Variants in SHPRH observed in about 807,000 individuals in gnomAD.
The protein encoded by SHPRH is SNF2 histone linker PHD RING helicase.
In SHPRH, 106 loss-of-function variants were observed where a neutral mutation model predicts 202.5. The ratio of observed to expected loss-of-function variants is 0.52; its 90% CI spans 0.45 to 0.62. SHPRH has a LOEUF of 0.62. Ranked by LOEUF, SHPRH falls within the 20% of genes least tolerant of loss-of-function variation. The pLI is 0.00. For missense variants in SHPRH, 1,710 were observed against 2,020.0 expected (o/e 0.85, Z 2.94); for synonymous variants, 729 against 686.0 (o/e 1.06, Z -0.98).
downstream of SHPRH, among the ~76,000 whole-genome samples, chr6:145,881,940 C>T (rs915838718): frequency 3.3e-5 from 5 of 151,874 alleles, no homozygotes; most frequent in African/African-American, 1.2e-4. Flanking sequence ...GCTGTCTCTA[C>T]AAAAAATTAA....
At chr6:145,876,318 G>A (rs1042216399) in intron 2 of SHPRH, among the ~76,000 whole-genome samples, 1 of 152,154 alleles carries the variant, frequency 6.6e-6, no homozygotes, top group African/African-American at 2.4e-5. Flanking sequence ...AGGCTGCAGT[G>A]AATTATGATA....
chr6:145,865,874 A>G lies in SHPRH; in HGVS notation c.222-1383T>C, dbSNP rs79538600. On this transcript the variant is annotated intron_variant, in intron 2 of 2. Coordinates refer to the SHPRH transcript ENST00000417762. ...TTTTTTGGTAACTTTCTTTGACTTA[A>G]GGTGACAAAAGAGCACCTTTTGCAG... Among the ~76,000 whole-genome samples the G allele has an allele frequency of 5.0e-3, 763 of 152,372 alleles. 4 individuals are homozygous for G. Among genetic ancestry groups the G allele is most frequent in the African/African-American group, 0.018 (743 of 41,580 alleles).
At position 145,937,128 on chromosome 6, in the gene SHPRH, C is replaced by T. The variant is rs376595738; in HGVS notation, c.2570-1687G>A. On this transcript the variant is annotated intron_variant, in intron 11 of 29. Coordinates refer to ENST00000275233, the MANE Select transcript of SHPRH (RefSeq NM_001042683.3). ...CCTCCCGACTAGCTGGGATTACAGG[C>T]GTCTGCCACCATGTCCAGCTAATTT... Among the ~76,000 whole-genome samples, 12 of 151,718 alleles carry T rather than the reference C, an allele frequency of 7.9e-5. No homozygotes were observed. The South Asian group carries it at 2.5e-3, about 32-fold the overall frequency.
At chr6:145,930,485 T>C (rs891580365) in intron 14 of SHPRH, among the ~76,000 whole-genome samples, 2 of 152,196 alleles carry the variant, frequency 1.3e-5, no homozygotes, top group African/African-American at 4.8e-5. Flanking sequence ...CCTTTTATTT[T>C]TTAACCCAAA....
chr6:145,943,247 G>A lies in SHPRH; in HGVS notation c.2134C>T (p.Pro712Ser). Reference sequence around the variant, plus strand: ...ATCAGAGTTGCTCTTGTTGACACTGGTTCCATTGCAACAAGGCAGTGGGGG... The same window carrying A: ...ATCAGAGTTGCTCTTGTTGACACTGATTCCATTGCAACAAGGCAGTGGGGG... ...YCPHCLVAME[P>S]VSTRATLIIS... The change falls in exon 9 of 30, where the codon CCA becomes TCA. Residue 712 changes from proline to serine, a missense_variant. Physicochemically the swap from Pro to Ser is moderately conservative, Grantham distance 74. Coordinates refer to ENST00000275233, the MANE Select transcript of SHPRH (RefSeq NM_001042683.3). 6.2e-7 allele frequency: 1 copy of A among 1,613,772 alleles called. No homozygotes were observed. Among genetic ancestry groups the A allele is most frequent in the South Asian group, 1.1e-5 (1 of 91,066 alleles).
At chr6:145,924,084 A>C (rs1256536617) in intron 17 of SHPRH, among the ~76,000 whole-genome samples, 1 of 151,978 alleles carries the variant, frequency 6.6e-6, no homozygotes, top group Admixed American at 6.6e-5. Flanking sequence ...ATGAAAATTC[A>C]ATACTCAATC....
intron 11 of SHPRH, among the ~76,000 whole-genome samples, chr6:145,937,561 A>T (rs1786247996): frequency 6.6e-6 from 1 of 152,136 alleles, no homozygotes; most frequent in Non-Finnish European, 1.5e-5. Context: ...TTGAAATACA[A>T]ATCTAACCAC....
intron 22 of SHPRH, 144 bp from the exon 23 acceptor site, chr6:145,918,376 G>C: frequency 2.2e-6 from 1 of 459,418 alleles, no homozygotes; most frequent in Non-Finnish European, 3.6e-6. Flanking sequence ...TTTCAAAATG[G>C]ATACTAGATA....
At chr6:145,911,309 G>A (rs1338277911) in intron 24 of SHPRH, among the ~76,000 whole-genome samples, 1 of 151,904 alleles carries the variant, frequency 6.6e-6, no homozygotes, top group Non-Finnish European at 1.5e-5. Context: ...GCTAATTTTT[G>A]TATTTTTAGT....
intron 2 of SHPRH, among the ~76,000 whole-genome samples, chr6:145,866,885 C>G (rs1483404448): frequency 6.6e-6 from 1 of 151,990 alleles, no homozygotes; most frequent in African/African-American, 2.4e-5. Flanking sequence ...CTGGCCTTTG[C>G]CTGTGCTGAT....
At chr6:145,932,128 T>C (rs920869398) in intron 14 of SHPRH, among the ~76,000 whole-genome samples, 1 of 152,172 alleles carries the variant, frequency 6.6e-6, no homozygotes, top group African/African-American at 2.4e-5. Context: ...TTCCAGAAGT[T>C]TGATTGCATG....
chr6:145,889,615 G>A (rs1781412098), intron 28 of SHPRH, among the ~76,000 whole-genome samples: 1 of 152,110 alleles, frequency 6.6e-6, no homozygotes, highest in African/African-American at 2.4e-5. Flanking sequence ...TTCAGGCTAT[G>A]AGTAGAATTT....
chr6:145,930,329 A>G (rs976165283), intron 14 of SHPRH, among the ~76,000 whole-genome samples: 8 of 152,066 alleles, frequency 5.3e-5, no homozygotes, highest in African/African-American at 1.9e-4. Context: ...AAATTTCTTA[A>G]GGTAGCAGCT....
intron 25 of SHPRH, among the ~76,000 whole-genome samples, chr6:145,899,114 G>A (rs2265471): frequency 0.39 from 58,569 of 151,916 alleles, 11,616 homozygotes; most frequent in South Asian, 0.49. Context: ...GCATCTGGCC[G>A]TAACTCCTTT....
intron 28 of SHPRH, among the ~76,000 whole-genome samples, chr6:145,891,683 T>C (rs946586448): frequency 6.6e-6 from 1 of 152,122 alleles, no homozygotes; most frequent in African/African-American, 2.4e-5. Context: ...TCTAATCTGA[T>C]TGTATATGTT....
At chr6:145,903,627 T>C (rs948989791) in intron 25 of SHPRH, 6 of 152,024 alleles carry the variant, frequency 3.9e-5, no homozygotes, top group Admixed American at 6.6e-5. Context: ...AAAAAAGCAA[T>C]TGTGTAGCAT....
chr6:145,933,157 C>A lies in SHPRH; in HGVS notation c.3012G>T (p.Leu1004=). The A allele has an allele frequency of 1.2e-6, 2 of 1,613,894 alleles. No homozygotes were observed. Among genetic ancestry groups the A allele is most frequent in the Non-Finnish European group, 1.7e-6 (2 of 1,179,914 alleles). The part of the protein sequence containing the change: ...LQKSTMTMEE[L]LTSLQKKCGT... ...CACATTTCTTCTGCAAAGATGTCAGCAGCTCTTCCATTGTCATGGTGCTAA... is the reference window on the plus strand; with the variant it reads ...CACATTTCTTCTGCAAAGATGTCAGAAGCTCTTCCATTGTCATGGTGCTAA... Residue 1004 remains leucine, a synonymous_variant, in exon 14 of 30, where the codon CTG becomes CTT. Transcript: ENST00000275233.
At chr6:145,951,882 C>T (rs1407091064) in intron 3 of SHPRH, 1 of 455,962 alleles carries the variant, frequency 2.2e-6, no homozygotes, top group South Asian at 1.5e-5. Flanking sequence ...TGACCAATGG[C>T]AGACAACTCT....
downstream of SHPRH, chr6:145,864,236 G>A (rs1274234883): frequency 4.9e-6 from 1 of 202,498 alleles, no homozygotes; most frequent in African/African-American, 2.4e-5. Context: ...CCTTAATTTA[G>A]ACCCTAATTT....
Sources: allele counts gnomAD v4.1 joint callset (sites outside exome capture counted in the v4.1 genomes callset), GRCh38; gene constraint gnomAD v4.1.1; transcripts MANE v1.5; gene names NCBI Gene and HGNC (gene_info 2026-07-23, HGNC 2026-07-21).